CSMD1: variants seen among roughly 807,000 people sequenced by gnomAD.
CSMD1 encodes CUB and Sushi multiple domains 1, also known as CUB and sushi domain-containing protein 1.
A neutral mutation model predicts 417.5 loss-of-function variants in CSMD1; 213 were observed. The ratio of observed to expected loss-of-function variants is 0.51; its 90% confidence interval spans 0.46 to 0.57. CSMD1 has a LOEUF of 0.57. CSMD1 is among the 20% of genes least tolerant of loss of function. CSMD1 has a pLI of 0.00. For missense variants in CSMD1, 6,923 were observed against 4,529.7 expected, an observed-to-expected ratio of 1.53 and a Z score of -15.17; for synonymous variants, 2,862 against 1,736.8, an observed-to-expected ratio of 1.65 and a Z score of -16.11.
At chr8:3,563,155 G>C (rs1799542410) in intron 10 of CSMD1, among the ~76,000 whole-genome samples, 1 of 152,066 alleles carries the variant, frequency 6.6e-6, no homozygotes, top group South Asian at 2.1e-4. Flanking sequence ...TTGTCCTAAT[G>C]TATTTGGCAC....
At chr8:3,006,768 C>A (rs1459523600) in intron 52 of CSMD1, among the ~76,000 whole-genome samples, 1 of 151,286 alleles carries the variant, frequency 6.6e-6, no homozygotes, top group Non-Finnish European at 1.5e-5. Context: ...ACACAAAAAT[C>A]AATTCAAGAT....
rs570089466 is a variant in CSMD1, at chr8:4,142,867, T to G, written c.416-110768A>C. ...GTTGTGCTGTTTCTAATATCATCAT[T>G]TGATAATATGATTAGTAGCTGACAA... On this transcript the variant is annotated intron_variant, in intron 3 of 69. Transcript: ENST00000635120. 9.9e-5 allele frequency among the ~76,000 whole-genome samples: 15 copies of G among 151,280 alleles called. 1 individual carries two copies. Among genetic ancestry groups the G allele is most frequent in the African/African-American group, 3.4e-4 (14 of 40,586 alleles).
At chr8:3,110,932 A>G (rs1816475620) in intron 42 of CSMD1, among the ~76,000 whole-genome samples, 1 of 152,306 alleles carries the variant, frequency 6.6e-6, no homozygotes, top group East Asian at 1.9e-4. Context: ...ATTTATTTTC[A>G]TTTTTGTTAA....
At chr8:3,484,152 G>C (rs913289350) in intron 11 of CSMD1, among the ~76,000 whole-genome samples, 3 of 152,186 alleles carry the variant, frequency 2.0e-5, no homozygotes. Context: ...GAACAATAAA[G>C]TGAGAAACAT....
chr8:4,256,337 C>G (rs1803452660), intron 3 of CSMD1, among the ~76,000 whole-genome samples: 1 of 152,180 alleles, frequency 6.6e-6, no homozygotes, highest in Non-Finnish European at 1.5e-5. Flanking sequence ...CTCTGAATTT[C>G]TAGCTCCTAC....
chr8:4,439,601 C>T (rs1408546076), intron 2 of CSMD1, among the ~76,000 whole-genome samples: 2 of 152,052 alleles, frequency 1.3e-5, no homozygotes, highest in Non-Finnish European at 2.9e-5. Flanking sequence ...AACATACTTA[C>T]ATATTTGTTT....
chr8:3,680,534 G>C (rs534616730), intron 7 of CSMD1, among the ~76,000 whole-genome samples: 95 of 152,260 alleles, frequency 6.2e-4, no homozygotes, highest in Middle Eastern at 3.4e-3. Context: ...CTGAAATTGA[G>C]GTAATAATTA....
At chr8:4,023,043 C>A (rs947665946) in intron 4 of CSMD1, among the ~76,000 whole-genome samples, 4 of 152,196 alleles carry the variant, frequency 2.6e-5, no homozygotes, top group African/African-American at 7.2e-5. Flanking sequence ...CTCACAGATG[C>A]TTCCATTTCC....
chr8:3,712,232 C>A (rs1298062479), intron 6 of CSMD1, among the ~76,000 whole-genome samples: 1 of 152,130 alleles, frequency 6.6e-6, no homozygotes, highest in African/African-American at 2.4e-5. Flanking sequence ...ACTTGTGGGT[C>A]CAGGGTCCAC....
Position 4,540,723 on chromosome 8 carries a change from G to A in CSMD1, c.302+96619C>T, listed in dbSNP as rs188695581. ...CTGTAACTGCGGATGCTTACCAAGTGTCTAAGCTGTGCCAGGTACTAAGGG... is the reference window on the plus strand; with the variant it reads ...CTGTAACTGCGGATGCTTACCAAGTATCTAAGCTGTGCCAGGTACTAAGGG... On this transcript the variant is annotated intron_variant, in intron 2 of 69. Transcript: ENST00000635120. Among the ~76,000 whole-genome samples the A allele has an allele frequency of 2.3e-3, 355 of 152,286 alleles. 2 individuals carry two copies. Among genetic ancestry groups the A allele is most frequent in the African/African-American group, 8.0e-3 (332 of 41,558 alleles).
At chr8:3,986,223 G>C (rs1814309236) in intron 5 of CSMD1, among the ~76,000 whole-genome samples, 1 of 152,112 alleles carries the variant, frequency 6.6e-6, no homozygotes, top group Admixed American at 6.5e-5. Context: ...AAAGACACCA[G>C]ATGGAGGAAG....
At chr8:3,672,351 TAG>T (rs1053079452) in intron 7 of CSMD1, among the ~76,000 whole-genome samples, 2 of 121,300 alleles carry the variant, frequency 1.6e-5, no homozygotes, top group South Asian at 4.7e-4. Flanking sequence ...TTTTCAGTTG[TAG>T]TGTGTGTCGG....
At chr8:3,701,487 C>G (rs1800864823) in intron 7 of CSMD1, among the ~76,000 whole-genome samples, 2 of 145,932 alleles carry the variant, frequency 1.4e-5, no homozygotes, top group African/African-American at 5.2e-5. Context: ...GCAAAAGACT[C>G]TTCAGGATAT....
At position 3,254,677 on chromosome 8, in the gene CSMD1, T is replaced by A. The variant is rs138649537; in HGVS notation, c.4154-24446A>T. Reference sequence around the variant, plus strand: ...GTTGACCGAATTGGCTATTGAGACTTGTGCATTTGTCACTTAGTTCTCGAG... The same window carrying A: ...GTTGACCGAATTGGCTATTGAGACTAGTGCATTTGTCACTTAGTTCTCGAG... On this transcript the variant is annotated intron_variant, in intron 26 of 69. Coordinates refer to ENST00000635120, the MANE Select transcript of CSMD1 (RefSeq NM_033225.6). Among the ~76,000 whole-genome samples, 340 of 152,358 alleles carry A rather than the reference T, an allele frequency of 2.2e-3. 2 individuals carry two copies. Among genetic ancestry groups the A allele is most frequent in the African/African-American group, 7.6e-3 (317 of 41,588 alleles).
intron 26 of CSMD1, among the ~76,000 whole-genome samples, chr8:3,258,844 G>C (rs1188861449): frequency 3.9e-5 from 6 of 152,200 alleles, no homozygotes; most frequent in African/African-American, 9.6e-5. Context: ...TGCAGGAAGA[G>C]AAAACCAAAT....
At chr8:4,196,767 A>G (rs1421754106) in intron 3 of CSMD1, among the ~76,000 whole-genome samples, 1 of 151,926 alleles carries the variant, frequency 6.6e-6, no homozygotes, top group Non-Finnish European at 1.5e-5. Flanking sequence ...TTATCTGTAA[A>G]CCCCTTTTTC....
chr8:4,678,900 A>G (rs184102967), intron 1 of CSMD1, among the ~76,000 whole-genome samples: 1 of 152,322 alleles, frequency 6.6e-6, no homozygotes, highest in East Asian at 1.9e-4. Flanking sequence ...AAACAGTAAT[A>G]TTTGACAAAC....
intron 12 of CSMD1, among the ~76,000 whole-genome samples, chr8:3,436,349 A>G (rs1264438701): frequency 6.6e-6 from 1 of 152,186 alleles, no homozygotes; most frequent in Non-Finnish European, 1.5e-5. Flanking sequence ...CAGGTTATAT[A>G]TTACTATTAT....
rs544611935 is a variant in CSMD1 at position 4,489,057 on chromosome 8, C to T, written c.303-68992G>A. On this transcript the variant is annotated intron_variant, in intron 2 of 69. Transcript: ENST00000635120. ...TCCTGAGTAGCTGGGAATACAGGTG[C>T]GTGCCACCACACACAGCTAATTTTT... 9.4e-4 allele frequency among the ~76,000 whole-genome samples: 143 copies of T among 152,222 alleles called. 1 individual carries two copies. The highest frequency in any genetic ancestry group is 1.7e-3 in the Non-Finnish European group (115 of 68,014).
Sources: allele counts gnomAD v4.1 joint callset (sites outside exome capture counted in the v4.1 genomes callset), GRCh38; gene constraint gnomAD v4.1.1; transcripts MANE v1.5; gene names NCBI Gene and HGNC (gene_info 2026-07-23, HGNC 2026-07-21).